Variants in ACOXL observed in about 807,000 individuals in gnomAD.
The protein encoded by ACOXL is acyl-coenzyme A oxidase-like protein.
Under a neutral mutation model 71.9 loss-of-function variants are expected in ACOXL, and 70 were observed. The ratio of observed to expected loss-of-function variants is 0.97; its 90% CI spans 0.80 to 1.19. The LOEUF (loss-of-function observed/expected upper bound fraction) is 1.19, where lower values mean the gene tolerates loss of function less well. Ranked by LOEUF, ACOXL falls within the 50% of genes most tolerant of loss-of-function variation. The probability of loss-of-function intolerance (pLI) is 0.00; values close to 1 mark genes in which losing one functional copy is unlikely to be tolerated. For synonymous variants in ACOXL, 253 were observed against 281.6 expected, an observed-to-expected ratio of 0.90 and a Z score of 1.02; for missense variants, 703 against 736.3, an observed-to-expected ratio of 0.95 and a Z score of 0.52.
chr2:110,875,223 A>C (rs897799106), intron 10 of ACOXL, among the ~76,000 whole-genome samples: 2 of 152,184 alleles, frequency 1.3e-5, no homozygotes, highest in East Asian at 1.9e-4. Context: ...TGTAAATCTC[A>C]TAAGTGGAAA....
chr2:110,800,893 C>T (rs1384554325), intron 7 of ACOXL, among the ~76,000 whole-genome samples: 1 of 152,142 alleles, frequency 6.6e-6, no homozygotes, highest in Non-Finnish European at 1.5e-5. Flanking sequence ...TGAAGTCGTG[C>T]CAGGCATTGA....
At chr2:110,978,321 C>A (rs117916920) in intron 12 of ACOXL, among the ~76,000 whole-genome samples, 4,943 of 152,266 alleles carry the variant, frequency 0.032, 123 homozygotes, top group South Asian at 0.091. Context: ...CTAAAGGCAC[C>A]TAATCGCATC....
At chr2:110,742,835 A>C (rs1407470876) in intron 1 of ACOXL, among the ~76,000 whole-genome samples, 3 of 152,222 alleles carry the variant, frequency 2.0e-5, no homozygotes, top group Non-Finnish European at 2.9e-5. Flanking sequence ...GGTTTGGGTA[A>C]AGATTTTTTG....
intron 10 of ACOXL, among the ~76,000 whole-genome samples, chr2:110,899,962 T>A (rs1464398635): frequency 6.6e-6 from 1 of 152,050 alleles, no homozygotes; most frequent in East Asian, 1.9e-4. Flanking sequence ...CACACCACTT[T>A]CCTAGGTTTT....
At chr2:111,060,980 A>G (rs1342798731) in intron 16 of ACOXL, among the ~76,000 whole-genome samples, 1 of 152,324 alleles carries the variant, frequency 6.6e-6, no homozygotes, top group Non-Finnish European at 1.5e-5. Flanking sequence ...TACAACAGAA[A>G]GAAGATGGAA....
chr2:111,035,058 G>A (rs1309562284), intron 15 of ACOXL, among the ~76,000 whole-genome samples: 1 of 152,026 alleles, frequency 6.6e-6, no homozygotes, highest in Non-Finnish European at 1.5e-5. Context: ...AGTAGAGACG[G>A]GGTTTCACTG....
intron 12 of ACOXL, chr2:110,968,332 G>A: frequency 8.5e-7 from 1 of 1,177,850 alleles, no homozygotes; most frequent in Non-Finnish European, 1.3e-6. Context: ...GAAGGGAGCT[G>A]TGGCTGGAGG....
At chr2:110,749,822 A>G (rs1010312053) in intron 1 of ACOXL, among the ~76,000 whole-genome samples, 1 of 152,204 alleles carries the variant, frequency 6.6e-6, no homozygotes, top group East Asian at 1.9e-4. Flanking sequence ...GGTCCTATCC[A>G]GGATGCCACA....
intron 5 of ACOXL, among the ~76,000 whole-genome samples, chr2:110,794,708 A>C (rs910950410): frequency 1.3e-5 from 2 of 152,090 alleles, no homozygotes; most frequent in Non-Finnish European, 2.9e-5. Flanking sequence ...TGACTCTTCT[A>C]CCTTTACTCT....
At chr2:111,070,956 C>G (rs915355986) in intron 16 of ACOXL, among the ~76,000 whole-genome samples, 3 of 152,102 alleles carry the variant, frequency 2.0e-5, no homozygotes, top group African/African-American at 7.2e-5. Context: ...GAGAAATAGT[C>G]ACCCCTGCTT....
chr2:110,778,134 C>T (rs905106751), intron 2 of ACOXL, among the ~76,000 whole-genome samples: 2 of 152,190 alleles, frequency 1.3e-5, no homozygotes, highest in African/African-American at 4.8e-5. Context: ...AGTGTTTTTC[C>T]CTTTGGTTCC....
chr2:110,971,396 C>T (rs72834547), intron 12 of ACOXL, among the ~76,000 whole-genome samples: 19,760 of 152,132 alleles, frequency 0.13, 2,083 homozygotes, highest in African/African-American at 0.29. Flanking sequence ...AAAGTGTTAC[C>T]GCTGGGAGAA....
At position 110,787,119 on chromosome 2, in the gene ACOXL, C is replaced by T. The variant is rs760720850; in HGVS notation, c.159+2304C>T. Among the ~76,000 whole-genome samples, 25 of 152,040 alleles carry T rather than the reference C, an allele frequency of 1.6e-4. 1 individual carries two copies. The highest frequency in any genetic ancestry group is 2.6e-4 in the Non-Finnish European group (18 of 68,010). The stretch of plus-strand genomic sequence containing the variant: ...GAAGGAAAATGGACCATGAGCTGAC[C>T]ATCCTTGAGTTCATTAGATGCTTCT... On this transcript the variant is annotated intron_variant, in intron 3 of 17. Coordinates refer to ENST00000439055, the MANE Select transcript of ACOXL (RefSeq NM_001142807.4).
At chr2:111,022,721 A>G (rs1293214063) in intron 14 of ACOXL, among the ~76,000 whole-genome samples, 1 of 152,194 alleles carries the variant, frequency 6.6e-6, no homozygotes, top group Non-Finnish European at 1.5e-5. Context: ...AGCCAGGGCC[A>G]ACCAGGAGGC....
At chr2:110,766,173 G>A (rs924948676) in intron 1 of ACOXL, among the ~76,000 whole-genome samples, 1 of 152,070 alleles carries the variant, frequency 6.6e-6, no homozygotes, top group South Asian at 2.1e-4. Context: ...TATCATTCAT[G>A]TTGTGATGTT....
chr2:110,768,820 A>G (rs1250574064), intron 2 of ACOXL, among the ~76,000 whole-genome samples: 2 of 151,338 alleles, frequency 1.3e-5, no homozygotes, highest in Admixed American at 1.3e-4. Context: ...TTCTGTTCCT[A>G]TGTTAATTTG....
intron 1 of ACOXL, among the ~76,000 whole-genome samples, chr2:110,739,304 A>G (rs967722042): frequency 6.6e-6 from 1 of 152,178 alleles, no homozygotes; most frequent in Non-Finnish European, 1.5e-5. Flanking sequence ...CCAGTGATGA[A>G]TCTTTTAGTC....
intron 14 of ACOXL, among the ~76,000 whole-genome samples, chr2:111,018,910 C>T (rs2064603165): frequency 6.6e-6 from 1 of 152,208 alleles, no homozygotes; most frequent in East Asian, 1.9e-4. Context: ...GGATTTTCCG[C>T]ATACTATACC....
At chr2:110,925,261 G>A (rs541286497) in intron 11 of ACOXL, among the ~76,000 whole-genome samples, 2 of 152,328 alleles carry the variant, frequency 1.3e-5, no homozygotes, top group African/African-American at 4.8e-5. Flanking sequence ...GCCACTAGCT[G>A]CATTAGCCCC....
Sources: gnomAD v4.1 joint callset for allele counts (sites outside exome capture counted in the v4.1 genomes callset) on GRCh38, gnomAD v4.1.1 for gene constraint, MANE v1.5 for transcripts, NCBI Gene and HGNC (gene_info 2026-07-23, HGNC 2026-07-21) for gene names.